The following FBXL18 variants were observed in gnomAD, a reference collection of about 807,000 sequenced individuals.
FBXL18 encodes F-box and leucine rich repeat protein 18, also known as F-box/LRR-repeat protein 18.
In FBXL18, 36 loss-of-function variants were observed where a neutral mutation model predicts 46.0. The observed-to-expected ratio is 0.78, with a 90% confidence interval of 0.60 to 1.03. The LOEUF is 1.03. Among genes scored for constraint, FBXL18 ranks in the 50% least tolerant of loss-of-function variants. FBXL18 has a pLI of 0.00. For missense variants in FBXL18, 977 were observed against 1,004.1 expected, an observed-to-expected ratio of 0.97 and a Z score of 0.36; for synonymous variants, 557 against 465.3, an observed-to-expected ratio of 1.20 and a Z score of -2.54.
At chr7:5,503,192 G>A (rs1480407031) in intron 2 of FBXL18, among the ~76,000 whole-genome samples, 2 of 152,234 alleles carry the variant, frequency 1.3e-5, no homozygotes, top group Non-Finnish European at 2.9e-5. Context: ...ACCAGCTTGG[G>A]AAACATAGCG....
intron 4 of FBXL18, among the ~76,000 whole-genome samples, chr7:5,467,217 G>A (rs1783354649): frequency 6.6e-6 from 1 of 152,276 alleles, no homozygotes; most frequent in South Asian, 2.1e-4. Flanking sequence ...CAGGCGCGGT[G>A]GCGAGCGCCT....
At chr7:5,485,528 G>A (rs1261934320) in intron 4 of FBXL18, among the ~76,000 whole-genome samples, 1 of 152,120 alleles carries the variant, frequency 6.6e-6, no homozygotes, top group African/African-American at 2.4e-5. Flanking sequence ...AAATAAAAAA[G>A]GGAGGCCAGG....
At chr7:5,500,378 C>G (rs974466723) in intron 3 of FBXL18, 110 bp downstream of exon 3, 2 of 1,037,210 alleles carry the variant, frequency 1.9e-6, no homozygotes, top group Admixed American at 4.8e-5. Context: ...GGCCCCGCCC[C>G]AGCCTCTGCA....
At chr7:5,469,241 G>A (rs769680237) in intron 4 of FBXL18, among the ~76,000 whole-genome samples, 5 of 152,090 alleles carry the variant, frequency 3.3e-5, no homozygotes, top group South Asian at 2.1e-4. Context: ...GTGAAACCCC[G>A]TTTCTACTAA....
intron 2 of FBXL18, among the ~76,000 whole-genome samples, chr7:5,503,269 A>C (rs531765138): frequency 6.6e-6 from 1 of 152,204 alleles, no homozygotes; most frequent in African/African-American, 2.4e-5. Flanking sequence ...CTGTGGTCCC[A>C]TCTACTTGGG....
downstream of FBXL18, among the ~76,000 whole-genome samples, chr7:5,473,760 C>CAAAAAAAAAAAAAAAAAAAAA (rs1195674210): frequency 1.7e-5 from 1 of 58,136 alleles, no homozygotes; most frequent in Non-Finnish European, 3.6e-5. Flanking sequence ...GACTCCATCT[C>CAAAAAAAAAAAAAAAAAAAAA]AAAAAAAAAA....
chr7:5,509,466 G>A (rs986551356), intron 1 of FBXL18, among the ~76,000 whole-genome samples: 4 of 151,882 alleles, frequency 2.6e-5, no homozygotes, highest in East Asian at 3.9e-4. Flanking sequence ...AGGCCAAAGC[G>A]GGTGGATCAC....
intron 4 of FBXL18, among the ~76,000 whole-genome samples, chr7:5,457,904 G>A (rs1302015654): frequency 2.0e-5 from 3 of 152,138 alleles, no homozygotes; most frequent in Non-Finnish European, 4.4e-5. Context: ...CTGCCACGAC[G>A]GAGCAACTAT....
At chr7:5,513,420 A>G (rs910446291) in intron 1 of FBXL18, among the ~76,000 whole-genome samples, 1 of 152,130 alleles carries the variant, frequency 6.6e-6, no homozygotes, top group African/African-American at 2.4e-5. Flanking sequence ...TCTGGCGATC[A>G]GGAATGCACG....
chr7:5,475,031 A>G (rs1029261787), downstream of FBXL18, among the ~76,000 whole-genome samples: 5 of 143,132 alleles, frequency 3.5e-5, no homozygotes, highest in African/African-American at 1.0e-4. The surrounding 1 kb of genome is among the most constrained non-coding windows in gnomAD (Gnocchi z 4.2). Context: ...TAAAATGGTT[A>G]AGATGGTCCA....
chr7:5,465,819 AT>A (rs763542928), intron 4 of FBXL18, among the ~76,000 whole-genome samples: 314 of 141,896 alleles, frequency 2.2e-3, no homozygotes, highest in East Asian at 4.4e-3. Flanking sequence ...TACCTCCTAA[AT>A]TTTTTTTTTT....
chr7:5,493,563 G>C (rs575837621), intron 3 of FBXL18, among the ~76,000 whole-genome samples: 2 of 151,664 alleles, frequency 1.3e-5, no homozygotes, highest in South Asian at 4.2e-4. Flanking sequence ...CCAAAGTGCT[G>C]GGATTACAGG....
chr7:5,494,712 C>A (rs1170802658), intron 3 of FBXL18, among the ~76,000 whole-genome samples: 1 of 152,166 alleles, frequency 6.6e-6, no homozygotes, highest in Non-Finnish European at 1.5e-5. Flanking sequence ...GGATTTCTCT[C>A]CAAAGCAAAA....
intron 1 of FBXL18, among the ~76,000 whole-genome samples, chr7:5,510,834 A>G (rs1052675659): frequency 3.3e-5 from 5 of 152,142 alleles, no homozygotes; most frequent in Non-Finnish European, 5.9e-5. Context: ...GGTCCCAACC[A>G]GGCACCTCAT....
At chr7:5,469,988 CAG>C (rs1328973736) in intron 4 of FBXL18, among the ~76,000 whole-genome samples, 2 of 152,074 alleles carry the variant, frequency 1.3e-5, no homozygotes, top group Non-Finnish European at 2.9e-5. Context: ...ATGTGATTGT[CAG>C]AGTGTCTGAA....
chr7:5,512,071 TAA>T lies in FBXL18; in HGVS notation c.18+1584_18+1585del, dbSNP rs71735907. ...TAACACGGTGAAACCCCGTCTCTAGTAAAAAAAAAAAAAAAACCAAAAAATTA... is the reference window on the plus strand; with the variant it reads ...TAACACGGTGAAACCCCGTCTCTAGTAAAAAAAAAAAAAACCAAAAAATTA... On this transcript the variant is annotated intron_variant, in intron 1 of 4. Coordinates refer to ENST00000382368, the MANE Select transcript of FBXL18 (RefSeq NM_024963.6). Among the ~76,000 whole-genome samples the T allele has an allele frequency of 7.8e-3, 1,013 of 130,580 alleles. 8 individuals carry two copies. Among genetic ancestry groups the T allele is most frequent in the Middle Eastern group, 0.012 (3 of 244 alleles). 85.7% of individuals were successfully genotyped at this position (130,580 alleles called of 152,430 possible).
At position 5,491,429 on chromosome 7, in the gene FBXL18, C is replaced by T. The variant is rs1783923839; in HGVS notation, c.1802G>A (p.Ser601Asn). The change falls in exon 4 of 5, where the codon AGC becomes AAC. Residue 601 changes from serine (S) to asparagine (N), a missense_variant. Transcript: ENST00000382368. ...CGCCTGGAAGAACTGGGCGTTGGCGCTGAAGTAGGGCTGCTCCAGCCTGCG... is the reference window on the plus strand; with the variant it reads ...CGCCTGGAAGAACTGGGCGTTGGCGTTGAAGTAGGGCTGCTCCAGCCTGCG... Reference protein sequence around the residue: ...RDLRLEQPYFSANAQFFQALS... With the variant: ...RDLRLEQPYFNANAQFFQALS... The T allele has an allele frequency of 1.3e-6, 2 of 1,593,608 alleles. No homozygotes were observed. The highest frequency in any genetic ancestry group is 1.7e-6 in the Non-Finnish European group (2 of 1,171,820).
intron 4 of FBXL18, among the ~76,000 whole-genome samples, chr7:5,459,190 A>G (rs55924567): frequency 1.3e-5 from 2 of 152,114 alleles, no homozygotes; most frequent in African/African-American, 2.4e-5. Flanking sequence ...AAAGAAAACA[A>G]ACGTGTGACC....
chr7:5,512,942 C>A (rs1217557237), intron 1 of FBXL18, among the ~76,000 whole-genome samples: 1 of 152,116 alleles, frequency 6.6e-6, no homozygotes, highest in Non-Finnish European at 1.5e-5. Flanking sequence ...CCTAAATCTG[C>A]GAAGTGCACC....
Sources: gnomAD v4.1 joint callset for allele counts (sites outside exome capture counted in the v4.1 genomes callset) on GRCh38, gnomAD v4.1.1 for gene constraint, Gnocchi (gnomAD v3.1) non-coding constraint, MANE v1.5 for transcripts, NCBI Gene and HGNC (gene_info 2026-07-23, HGNC 2026-07-21) for gene names.